FHIP2A: variants seen among roughly 807,000 people sequenced by gnomAD.
The protein encoded by FHIP2A is family with sequence similarity 160 member B1.
A neutral mutation model predicts 93.5 loss-of-function variants in FHIP2A; 46 were observed. The observed-to-expected ratio is 0.49, with a 90% CI of 0.39 to 0.63. The LOEUF (loss-of-function observed/expected upper bound fraction) is 0.63, where lower values mean the gene tolerates loss of function less well. Ranked by LOEUF, FHIP2A falls within the 20% of genes least tolerant of loss-of-function variation. The pLI, the probability that FHIP2A is intolerant of heterozygous loss-of-function variation, is 0.00. For missense variants in FHIP2A, 769 were observed against 909.7 expected, an observed-to-expected ratio of 0.85 and a Z score of 1.99; for synonymous variants, 332 against 326.5, an observed-to-expected ratio of 1.02 and a Z score of -0.18.
In FHIP2A at chr10:114,873,688, T is replaced by C. The variant is rs149540549; in HGVS notation, c.2192+12354T>C. On this transcript the variant is annotated intron_variant, in intron 16 of 16. Coordinates refer to the FHIP2A transcript ENST00000369250. ...GGGTTATAATCTAATACTATTTCAT[T>C]GGTTTTGTTGCTCAAATTGTTCCAG... Among the ~76,000 whole-genome samples the C allele has an allele frequency of 6.8e-3, 1,042 of 152,342 alleles. 8 individuals are homozygous for C. Among genetic ancestry groups the C allele is most frequent in the African/African-American group, 0.024 (1,002 of 41,586 alleles).
intron 1 of FHIP2A, among the ~76,000 whole-genome samples, chr10:114,828,298 G>C (rs2083589133): frequency 6.6e-6 from 1 of 152,136 alleles, no homozygotes; most frequent in African/African-American, 2.4e-5. Flanking sequence ...TGACACAAAT[G>C]CACTAAGACT....
In FHIP2A at chr10:114,860,767, C is replaced by A. The variant is rs754897151; in HGVS notation, c.1966C>A (p.Gln656Lys). ...ILDQPYDVNL[Q>K]VTSVLSRLSL... ...TCCATAGCCATATGATGTAAACTTA[C>A]AAGTAACCTCAGTGTTATCTAGACT... The change falls in exon 15 of 17, where the codon CAA becomes AAA. Residue 656 changes from glutamine (Q) to lysine (K), a missense_variant. Physicochemically the swap from Gln to Lys is moderately conservative, Grantham distance 53. Transcript: ENST00000369248. 2 of 1,603,238 alleles carry A rather than the reference C, an allele frequency of 1.2e-6. No homozygotes were observed. The highest frequency in any genetic ancestry group is 2.2e-5 in the South Asian group (2 of 90,806).
chr10:114,833,396 A>G lies in FHIP2A; in HGVS notation c.288A>G (p.Lys96=). Residue 96 remains lysine (K), a synonymous_variant, in exon 3 of 17, where the codon AAA becomes AAG. Coordinates refer to ENST00000369248, the MANE Select transcript of FHIP2A (RefSeq NM_020940.4). The stretch of plus-strand genomic sequence containing the variant: ...TGGAAACATTATATACCTTGGGGAA[A>G]GCTGATGTAAGTTCCTGATCCACAC... The part of the protein sequence containing the change: ...KILETLYTLG[K]ADCPPGMKQQ... 4 of 1,613,636 alleles carry G rather than the reference A, an allele frequency of 2.5e-6. No individual in the cohort carries two copies. The highest frequency in any genetic ancestry group is 1.1e-5 in the South Asian group (1 of 91,004).
At chr10:114,858,925 C>T (rs944095510) in intron 14 of FHIP2A, among the ~76,000 whole-genome samples, 1 of 152,016 alleles carries the variant, frequency 6.6e-6, no homozygotes, top group African/African-American at 2.4e-5. Flanking sequence ...CCCAGTTACC[C>T]TAATTTGGTC....
chr10:114,863,808 A>G lies in FHIP2A; in HGVS notation c.*2268A>G. 3 of 1,100,926 alleles carry G rather than the reference A, an allele frequency of 2.7e-6. No individual in the cohort carries two copies. The highest frequency in any genetic ancestry group is 3.4e-6 in the Non-Finnish European group (3 of 886,580). 68.2% of individuals were successfully genotyped at this position (1,100,926 alleles called of 1,614,324 possible). On this transcript the variant is annotated 3_prime_UTR_variant, in exon 17 of 17. Coordinates refer to ENST00000369248, the MANE Select transcript of FHIP2A (RefSeq NM_020940.4). ...ACTAAAATGCACTATGCTGAGTGGA[A>G]AGCACCGTCATAACAATTGATTGCC...
chr10:114,897,790 T>C (rs1025012458), intron 16 of FHIP2A, among the ~76,000 whole-genome samples: 3 of 152,146 alleles, frequency 2.0e-5, no homozygotes, highest in African/African-American at 7.2e-5. Flanking sequence ...CACACCATAG[T>C]CCCAGCTACT....
chr10:114,893,534 T>C (rs996733536), intron 16 of FHIP2A, among the ~76,000 whole-genome samples: 1 of 152,208 alleles, frequency 6.6e-6, no homozygotes, highest in Non-Finnish European at 1.5e-5. Flanking sequence ...TCAATCTACT[T>C]ATATCCCTGA....
intron 16 of FHIP2A, among the ~76,000 whole-genome samples, chr10:114,891,599 A>G (rs1230169397): frequency 5.6e-5 from 8 of 141,832 alleles, no homozygotes; most frequent in Non-Finnish European, 1.1e-4. Flanking sequence ...GTGTGTATAT[A>G]TGTGTGTGTG....
At position 114,863,370 on chromosome 10, in the gene FHIP2A, A is replaced by G. The variant is rs2083811743; in HGVS notation, c.*1830A>G. ...CATTAAGAGATATTAGATATTTCTT[A>G]ATGTTTTCATAGTGCTCAATAGGTG... On this transcript the variant is annotated 3_prime_UTR_variant, in exon 17 of 17. Transcript: ENST00000369248. The G allele has an allele frequency of 3.0e-6, 3 of 993,918 alleles. No individual in the cohort carries two copies. Among genetic ancestry groups the G allele is most frequent in the African/African-American group, 3.5e-5 (2 of 57,250 alleles). The allele number at this position is 993,918 out of a possible 1,614,324, so 61.6% of individuals were successfully genotyped here. A position where few individuals can be genotyped will look rare whatever the true frequency, so the allele number is the denominator to read the frequency against.
chr10:114,827,669 C>T (rs928657888), intron 1 of FHIP2A, among the ~76,000 whole-genome samples: 36 of 151,902 alleles, frequency 2.4e-4, no homozygotes, highest in African/African-American at 8.7e-4. Context: ...TGGTAGCAGG[C>T]GCCTGTAGTC....
Position 114,851,714 on chromosome 10 carries a change from C to CAAAA in FHIP2A, c.1803+2996_1803+2999dup, listed in dbSNP as rs60649106. Among the ~76,000 whole-genome samples the CAAAA allele has an allele frequency of 6.0e-3, 493 of 81,908 alleles. 28 individuals are homozygous for CAAAA. The highest frequency in any genetic ancestry group is 0.022 in the African/African-American group (445 of 20,572). The allele number at this position is 81,908 out of a possible 152,430, so 53.7% of individuals were successfully genotyped here. A position where few individuals can be genotyped will look rare whatever the true frequency, so the allele number is the denominator to read the frequency against. On this transcript the variant is annotated intron_variant, in intron 13 of 16. Coordinates refer to ENST00000369248, the MANE Select transcript of FHIP2A (RefSeq NM_020940.4). ...TTTAGGATTACTTTGTCCATTTCTG[C>CAAAA]AAAAAAAAAAAAAAAAAAAAAAGCA...
chr10:114,834,647 G>A (rs1386115120), intron 3 of FHIP2A, among the ~76,000 whole-genome samples: 3 of 152,172 alleles, frequency 2.0e-5, no homozygotes, highest in Non-Finnish European at 1.5e-5. Context: ...TCTGCAGTGT[G>A]AGTGATCATT....
Position 114,843,949 on chromosome 10 carries a change from T to TA in FHIP2A, c.1013+13dup, listed in dbSNP as rs2143011223. On this transcript the variant is annotated intron_variant, in intron 7 of 16. Transcript: ENST00000369248. ...GCAATTAACTGGGGGTAAGCACCGTTACTTGTATTTTCCCATAAAGGTGAC... is the reference window on the plus strand; with the variant it reads ...GCAATTAACTGGGGGTAAGCACCGTTAACTTGTATTTTCCCATAAAGGTGAC... The TA allele has an allele frequency of 6.5e-7, 1 of 1,537,808 alleles. No individual in the cohort carries two copies. Among genetic ancestry groups the TA allele is most frequent in the Non-Finnish European group, 8.7e-7 (1 of 1,149,238 alleles).
Position 114,848,751 on chromosome 10 carries a change from C to A in FHIP2A, c.1803+14C>A. The A allele has an allele frequency of 6.4e-7, 1 of 1,568,566 alleles. No homozygotes were observed. Among genetic ancestry groups the A allele is most frequent in the Non-Finnish European group, 8.8e-7 (1 of 1,140,180 alleles). On this transcript the variant is annotated intron_variant, in intron 13 of 16. Coordinates refer to ENST00000369248, the MANE Select transcript of FHIP2A (RefSeq NM_020940.4). Reference sequence around the variant, plus strand: ...GCTCATAGGCAGGTAGGTGAAGTCACTAAATGTTGGAAATGAAATCTAAGA... The same window carrying A: ...GCTCATAGGCAGGTAGGTGAAGTCAATAAATGTTGGAAATGAAATCTAAGA...
At chr10:114,849,014 C>T (rs1592021130) in intron 13 of FHIP2A, among the ~76,000 whole-genome samples, 1 of 149,716 alleles carries the variant, frequency 6.7e-6, no homozygotes, top group Non-Finnish European at 1.5e-5. Context: ...TGGTGACAGG[C>T]GCCTGTAGTC....
At chr10:114,834,523 A>G (rs1448080252) in intron 3 of FHIP2A, among the ~76,000 whole-genome samples, 7 of 152,208 alleles carry the variant, frequency 4.6e-5, no homozygotes, top group African/African-American at 1.7e-4. Context: ...ATTTCCAGAT[A>G]ACATGTCTAT....
At position 114,895,769 on chromosome 10, in the gene FHIP2A, A is replaced by G. The variant is rs554183899; in HGVS notation, c.2193-3721A>G. Among the ~76,000 whole-genome samples the G allele has an allele frequency of 5.2e-4, 79 of 152,294 alleles. 1 individual carries two copies. The highest frequency in any genetic ancestry group is 1.6e-3 in the Admixed American group (25 of 15,300). On this transcript the variant is annotated intron_variant, in intron 16 of 16. Coordinates refer to the FHIP2A transcript ENST00000369250. The stretch of plus-strand genomic sequence containing the variant: ...GTGCTTGATCCAATCTAGCTGAACA[A>G]CTATCCCTAAACGAGCAAAAAAGAT...
At chr10:114,835,282 C>T (rs529007717) in intron 3 of FHIP2A, among the ~76,000 whole-genome samples, 1 of 152,280 alleles carries the variant, frequency 6.6e-6, no homozygotes, top group East Asian at 1.9e-4. Flanking sequence ...TATTACCGTG[C>T]TGTTTGTAAC....
intron 16 of FHIP2A, among the ~76,000 whole-genome samples, chr10:114,872,714 T>C (rs896882853): frequency 1.3e-4 from 20 of 152,242 alleles, no homozygotes; most frequent in African/African-American, 4.8e-4. Context: ...CTTGATTCCA[T>C]AGGCATTTCA....
Sources: gnomAD v4.1 joint callset for allele counts (sites outside exome capture counted in the v4.1 genomes callset) on GRCh38, gnomAD v4.1.1 for gene constraint, MANE v1.5 for transcripts, NCBI Gene and HGNC (gene_info 2026-07-23, HGNC 2026-07-21) for gene names.